Variants in GPC3 observed in about 807,000 individuals in gnomAD.
GPC3 encodes the protein glypican-3.
A neutral mutation model predicts 34.4 loss-of-function variants in GPC3; 3 were observed. That is an observed-to-expected ratio of 0.09 (90% CI 0.04 to 0.23). The LOEUF is 0.23. GPC3 is among the 10% of genes least tolerant of loss of function. GPC3 has a pLI of 1.00. For synonymous variants in GPC3, 177 were observed against 174.0 expected (o/e 1.02, Z -0.13); for missense variants, 351 against 445.6 (o/e 0.79, Z 1.91).
intron 6 of GPC3, among the ~76,000 whole-genome samples, chrX:133,624,865 A>G (rs2070281906): frequency 9.0e-6 from 1 of 111,441 alleles, no homozygotes; most frequent in East Asian, 2.8e-4. Context: ...CAAAAAAAAA[A>G]AGAGAATTTT....
intron 2 of GPC3, among the ~76,000 whole-genome samples, chrX:133,821,912 T>C (rs2124535885): frequency 9.0e-6 from 1 of 111,625 alleles, no homozygotes; most frequent in African/African-American, 3.3e-5. Context: ...CATCGTTGAA[T>C]TGGCATCACT....
intron 2 of GPC3, among the ~76,000 whole-genome samples, chrX:133,851,107 A>G (rs2075872083): frequency 9.0e-6 from 1 of 111,415 alleles, no homozygotes; most frequent in Non-Finnish European, 1.9e-5. Flanking sequence ...CGTCTCCAAA[A>G]CAAACAAACA....
chrX:133,833,474 CAACA>C (rs1440471897), intron 2 of GPC3, among the ~76,000 whole-genome samples: 1 of 111,390 alleles, frequency 9.0e-6, no homozygotes, highest in Non-Finnish European at 1.9e-5. Flanking sequence ...CCTATTCATT[CAACA>C]AACAGACGCT....
At chrX:133,743,531 G>A (rs1253310207) in intron 3 of GPC3, among the ~76,000 whole-genome samples, 1 of 112,359 alleles carries the variant, frequency 8.9e-6, no homozygotes, top group Non-Finnish European at 1.9e-5. Flanking sequence ...GCCATTGTGA[G>A]TGGATAATGC....
At chrX:133,912,438 T>C (rs1261638686) in intron 2 of GPC3, among the ~76,000 whole-genome samples, 3 of 111,911 alleles carry the variant, frequency 2.7e-5, no homozygotes, top group Admixed American at 9.5e-5. Context: ...GCTCACTGTA[T>C]GATAGCTTAA....
chrX:133,688,887 A>G (rs780523791), intron 5 of GPC3, among the ~76,000 whole-genome samples: 38 of 111,688 alleles, frequency 3.4e-4, no homozygotes, highest in Non-Finnish European at 5.8e-4. Flanking sequence ...GAAGCCATAC[A>G]TGTCTTCAGG....
At chrX:133,983,399 A>C (rs1290028495) in intron 1 of GPC3, among the ~76,000 whole-genome samples, 3 of 112,318 alleles carry the variant, frequency 2.7e-5, no homozygotes, top group Admixed American at 9.4e-5. Flanking sequence ...GCCCAGGCCA[A>C]ATCTCATACA....
intron 1 of GPC3, among the ~76,000 whole-genome samples, 200 bp downstream of exon 1, chrX:133,985,075 G>A (rs1165359190): frequency 8.9e-6 from 1 of 111,779 alleles, no homozygotes; most frequent in Non-Finnish European, 1.9e-5. Flanking sequence ...GAGACTGGGG[G>A]ATGTGGGCTC....
intron 6 of GPC3, among the ~76,000 whole-genome samples, chrX:133,606,880 T>C (rs1033790224): frequency 5.4e-5 from 6 of 111,722 alleles, no homozygotes; most frequent in African/African-American, 2.0e-4. Flanking sequence ...ATTCACAAAA[T>C]ATTAATATTA....
intron 1 of GPC3, among the ~76,000 whole-genome samples, chrX:133,954,146 C>T (rs1434565107): frequency 9.0e-5 from 10 of 111,288 alleles, no homozygotes; most frequent in Non-Finnish European, 1.9e-4. Context: ...GAAAGCAGTT[C>T]AGTCGTTGTT....
chrX:133,682,193 G>A (rs939853669), intron 5 of GPC3, among the ~76,000 whole-genome samples: 3 of 111,196 alleles, frequency 2.7e-5, no homozygotes, highest in Non-Finnish European at 5.7e-5. Flanking sequence ...AGACCAGCCT[G>A]AGCAACACAG....
At chrX:133,841,231 T>TTTTTTTTTTTTTTTTTTTTTTTTG in intron 2 of GPC3, among the ~76,000 whole-genome samples, 2 of 82,327 alleles carry the variant, frequency 2.4e-5, no homozygotes, top group Non-Finnish European at 4.9e-5. Context: ...TTTTTTTTTT[T>TTTTTTTTTTTTTTTTTTTTTTTTG]TTTTTTTGGT....
chrX:133,687,383 G>GTTTT (rs1189478107), intron 5 of GPC3, among the ~76,000 whole-genome samples: 4 of 50,212 alleles, frequency 8.0e-5, no homozygotes, highest in Non-Finnish European at 1.6e-4. Context: ...AATTATCAGA[G>GTTTT]TTTTTTTTTT....
At chrX:133,948,088 G>C (rs187833211) in intron 2 of GPC3, among the ~76,000 whole-genome samples, 1 of 110,758 alleles carries the variant, frequency 9.0e-6, no homozygotes, top group African/African-American at 3.3e-5. Flanking sequence ...GAGAAAAATG[G>C]CTCAGTACTC....
chrX:133,566,155 C>T lies in GPC3; in HGVS notation c.1574-29862G>A, dbSNP rs112799738. On this transcript the variant is annotated intron_variant, in intron 7 of 7. Transcript: ENST00000370818. ...TCCTTTTAAGCACAATTGAGCTTTA[C>T]ACATAGAACTTGTCAGGTTCCAACA... Among the ~76,000 whole-genome samples, 221 of 112,249 alleles carry T rather than the reference C, an allele frequency of 2.0e-3. 1 individual carries two copies. Among genetic ancestry groups the T allele is most frequent in the African/African-American group, 6.9e-3 (212 of 30,946 alleles).
chrX:133,543,642 C>T lies in GPC3; in HGVS notation c.1574-7349G>A, dbSNP rs181320887. 3.6e-5 allele frequency among the ~76,000 whole-genome samples: 4 copies of T among 112,538 alleles called. No individual in the cohort carries two copies. The East Asian group carries it at 1.1e-3, about 32-fold the overall frequency. ...TCCCATTAGCTGAGGCATGGCCTCT[C>T]TTATTGTAGGCCTCTGTTTCTCAAT... On this transcript the variant is annotated intron_variant, in intron 7 of 7. Transcript: ENST00000370818.
intron 5 of GPC3, 141 bp downstream of exon 5, chrX:133,692,228 A>G (rs1272464533): frequency 1.5e-6 from 1 of 646,970 alleles, no homozygotes; most frequent in Non-Finnish European, 2.4e-6. Flanking sequence ...TACAGGCATG[A>G]GCCACCGCAT....
rs200478252 is a variant in GPC3, at chrX:133,796,790, GT to G, written c.338-42615del. Among the ~76,000 whole-genome samples the G allele has an allele frequency of 1.8e-3, 205 of 111,485 alleles. 2 individuals carry two copies. Among genetic ancestry groups the G allele is most frequent in the South Asian group, 0.018 (47 of 2,612 alleles). On this transcript the variant is annotated intron_variant, in intron 2 of 7. Coordinates refer to ENST00000370818, the MANE Select transcript of GPC3 (RefSeq NM_004484.4). ...AGAACTTTTTAGCTTTGCCTTTACA[GT>G]TAAACTAACTCAACTTCACTGCCAC...
chrX:133,805,959 A>G (rs1282289182), intron 2 of GPC3, among the ~76,000 whole-genome samples: 1 of 112,606 alleles, frequency 8.9e-6, no homozygotes, highest in East Asian at 2.8e-4. Flanking sequence ...TATGTGGTGC[A>G]ACCTAACATT....
Sources: gnomAD v4.1 joint callset for allele counts (sites outside exome capture counted in the v4.1 genomes callset) on GRCh38, gnomAD v4.1.1 for gene constraint, MANE v1.5 for transcripts, NCBI Gene and HGNC (gene_info 2026-07-23, HGNC 2026-07-21) for gene names.